SGCZ: variants seen among roughly 807,000 people sequenced by gnomAD.
The protein encoded by SGCZ is zeta-sarcoglycan.
SGCZ carries 40 observed loss-of-function variants against 41.3 expected under a neutral mutation model. That is an observed-to-expected ratio of 0.97 (90% confidence interval 0.75 to 1.26). The LOEUF is 1.26. Among genes scored for constraint, SGCZ ranks in the 50% most tolerant of loss-of-function variants. SGCZ has a pLI of 0.00. For synonymous variants in SGCZ, 206 were observed against 137.5 expected (o/e 1.50, Z -3.49); for missense variants, 552 against 369.8 (o/e 1.49, Z -4.04).
At position 14,601,679 on chromosome 8, in the gene SGCZ, T is replaced by C. The variant is rs73664405; in HGVS notation, c.40-46753A>G. Reference sequence around the variant, plus strand: ...TTCCTTATTGGTAGCAGAAAGTTTTTCTTTTCCTCAATGTGGCAGATGTGA... The same window carrying C: ...TTCCTTATTGGTAGCAGAAAGTTTTCCTTTTCCTCAATGTGGCAGATGTGA... On this transcript the variant is annotated intron_variant, in intron 1 of 7. Transcript: ENST00000382080. Among the ~76,000 whole-genome samples the C allele has an allele frequency of 9.7e-3, 1,480 of 152,358 alleles. 25 individuals carry two copies. Among genetic ancestry groups the C allele is most frequent in the African/African-American group, 0.033 (1,382 of 41,580 alleles).
chr8:14,291,034 C>A (rs78977702), intron 3 of SGCZ, among the ~76,000 whole-genome samples: 49 of 152,096 alleles, frequency 3.2e-4, no homozygotes, highest in African/African-American at 1.1e-3. Flanking sequence ...CTGTTGTTTG[C>A]AGCAACATGG....
At chr8:14,176,705 T>TG (rs1340359894) in intron 4 of SGCZ, among the ~76,000 whole-genome samples, 2 of 152,110 alleles carry the variant, frequency 1.3e-5, no homozygotes, top group Non-Finnish European at 2.9e-5. Flanking sequence ...TTCAAGTGGG[T>TG]GGGGGGCCAA....
intron 1 of SGCZ, among the ~76,000 whole-genome samples, chr8:14,934,124 C>A (rs1264347896): frequency 6.6e-6 from 1 of 151,914 alleles, no homozygotes; most frequent in South Asian, 2.1e-4. Flanking sequence ...AAAACATATC[C>A]TTTCTAGGGC....
chr8:14,990,790 C>A (rs1161481697), intron 1 of SGCZ, among the ~76,000 whole-genome samples: 1 of 152,058 alleles, frequency 6.6e-6, no homozygotes, highest in East Asian at 1.9e-4. Context: ...AATTGTCTTC[C>A]ATGAAAGTTG....
chr8:14,384,211 C>T (rs919955339), intron 2 of SGCZ, among the ~76,000 whole-genome samples: 7 of 151,944 alleles, frequency 4.6e-5, no homozygotes, highest in African/African-American at 1.7e-4. Flanking sequence ...TGAGAACATG[C>T]GGTGTTCGGT....
intron 3 of SGCZ, among the ~76,000 whole-genome samples, chr8:14,295,317 C>T (rs1027994163): frequency 1.3e-5 from 2 of 152,136 alleles, no homozygotes; most frequent in Non-Finnish European, 2.9e-5. Flanking sequence ...ACTGTAGTAG[C>T]TGAATGTAGC....
chr8:14,546,469 T>C (rs1011064338), intron 2 of SGCZ, among the ~76,000 whole-genome samples: 2 of 152,182 alleles, frequency 1.3e-5, no homozygotes, highest in Non-Finnish European at 2.9e-5. Flanking sequence ...CTGAAAATCA[T>C]TGTTTCTTTT....
chr8:14,244,880 T>C (rs1180375658), intron 3 of SGCZ, among the ~76,000 whole-genome samples: 15 of 152,106 alleles, frequency 9.9e-5, no homozygotes, highest in Non-Finnish European at 2.1e-4. Context: ...TGACTCATGA[T>C]TTGGCTCTCT....
chr8:14,266,486 C>T (rs979890010), intron 3 of SGCZ, among the ~76,000 whole-genome samples: 1 of 151,950 alleles, frequency 6.6e-6, no homozygotes, highest in African/African-American at 2.4e-5. Context: ...TAGGAATTAG[C>T]CAGGTAGGGA....
At chr8:14,695,146 A>G (rs1035845226) in intron 1 of SGCZ, among the ~76,000 whole-genome samples, 5 of 152,022 alleles carry the variant, frequency 3.3e-5, no homozygotes, top group Middle Eastern at 3.2e-3. Context: ...TCTTAGTTGC[A>G]ATGGGAGTTA....
At chr8:14,547,846 T>C (rs749576013) in intron 2 of SGCZ, among the ~76,000 whole-genome samples, 74 of 152,308 alleles carry the variant, frequency 4.9e-4, no homozygotes, top group Middle Eastern at 3.4e-3. Flanking sequence ...TCATCAATCT[T>C]GTTAATATCA....
chr8:15,211,584 C>A (rs994860945), intron 1 of SGCZ, among the ~76,000 whole-genome samples: 2 of 152,108 alleles, frequency 1.3e-5, no homozygotes, highest in Non-Finnish European at 2.9e-5. Context: ...TACATATTAA[C>A]CTGCACCTCC....
rs554479667 is a variant in SGCZ, at chr8:14,318,790, T to C, written c.336+5313A>G. ...AACAGAAGAGCTAGACAGTAACTCA[T>C]CAGGAATAATCAAACTAAGTAAGTG... On this transcript the variant is annotated intron_variant, in intron 3 of 7. Coordinates refer to ENST00000382080, the MANE Select transcript of SGCZ (RefSeq NM_139167.4). Among the ~76,000 whole-genome samples the C allele has an allele frequency of 2.0e-5, 3 of 152,072 alleles. No individual in the cohort carries two copies. The South Asian group carries it at 6.2e-4, about 31-fold the overall frequency.
Position 14,216,480 on chromosome 8 carries a change from C to T in SGCZ, c.424+21112G>A, listed in dbSNP as rs575316989. On this transcript the variant is annotated intron_variant, in intron 4 of 7. Transcript: ENST00000382080. ...AAGTCACAAACAAACTTCCTAGAGT[C>T]CAACATTTCTCATGAACTTAGATGC... Among the ~76,000 whole-genome samples the T allele has an allele frequency of 9.1e-4, 138 of 152,214 alleles. 1 individual carries two copies. Among genetic ancestry groups the T allele is most frequent in the South Asian group, 3.9e-3 (19 of 4,824 alleles).
At chr8:14,296,277 A>T (rs114647658) in intron 3 of SGCZ, among the ~76,000 whole-genome samples, 1 of 152,292 alleles carries the variant, frequency 6.6e-6, no homozygotes, top group Non-Finnish European at 1.5e-5. Flanking sequence ...AAAACAATAA[A>T]AACTACTACA....
intron 1 of SGCZ, among the ~76,000 whole-genome samples, chr8:14,631,544 C>T (rs1007749845): frequency 6.6e-6 from 1 of 152,046 alleles, no homozygotes; most frequent in Non-Finnish European, 1.5e-5. Context: ...TGAATTTGAC[C>T]TGGCATAAAT....
intron 1 of SGCZ, among the ~76,000 whole-genome samples, chr8:14,710,123 C>A (rs1246780285): frequency 6.6e-6 from 1 of 151,830 alleles, no homozygotes; most frequent in Non-Finnish European, 1.5e-5. Flanking sequence ...TCCCAGCACT[C>A]TGGGAGGCCG....
intron 1 of SGCZ, among the ~76,000 whole-genome samples, chr8:15,078,734 T>C (rs1042928780): frequency 6.6e-6 from 1 of 151,970 alleles, no homozygotes. Flanking sequence ...CAAATATATA[T>C]ATACACACAT....
chr8:14,878,451 G>T (rs1168375972), intron 1 of SGCZ, among the ~76,000 whole-genome samples: 2 of 152,090 alleles, frequency 1.3e-5, no homozygotes, highest in African/African-American at 4.8e-5. Context: ...TGATCTAGTG[G>T]GGGAAATAAG....
Sources: gnomAD v4.1 joint callset for allele counts (sites outside exome capture counted in the v4.1 genomes callset) on GRCh38, gnomAD v4.1.1 for gene constraint, MANE v1.5 for transcripts, NCBI Gene and HGNC (gene_info 2026-07-23, HGNC 2026-07-21) for gene names.